DOCK9: variants seen among roughly 807,000 people sequenced by gnomAD.
The protein encoded by DOCK9 is dedicator of cytokinesis protein 9.
A neutral mutation model predicts 263.3 loss-of-function variants in DOCK9; 89 were observed. The ratio of observed to expected loss-of-function variants is 0.34; its 90% CI spans 0.28 to 0.40. DOCK9 has a LOEUF of 0.40. Among genes scored for constraint, DOCK9 ranks in the 10% least tolerant of loss-of-function variants. The pLI is 1.00. For synonymous variants in DOCK9, 976 were observed against 973.1 expected, an observed-to-expected ratio of 1.00 and a Z score of -0.06; for missense variants, 2,140 against 2,603.4, an observed-to-expected ratio of 0.82 and a Z score of 3.87.
chr13:98,961,224 CA>C (rs1310730754), intron 1 of DOCK9, among the ~76,000 whole-genome samples: 3 of 152,152 alleles, frequency 2.0e-5, no homozygotes, highest in African/African-American at 7.2e-5. Context: ...TTCAAGTGGG[CA>C]AAAGTTTGAA....
intron 2 of DOCK9, among the ~76,000 whole-genome samples, chr13:98,941,911 C>G (rs1402056110): frequency 6.6e-6 from 1 of 152,252 alleles, no homozygotes; most frequent in East Asian, 1.9e-4. Flanking sequence ...TGGTAGTTAT[C>G]TCTTTGGATT....
At chr13:98,836,538 T>C (rs1204950407) in intron 39 of DOCK9, among the ~76,000 whole-genome samples, 1 of 152,134 alleles carries the variant, frequency 6.6e-6, no homozygotes, top group East Asian at 1.9e-4. Flanking sequence ...CTGGCCCGGA[T>C]ACCACACTCT....
At chr13:98,993,853 CTAATA>C (rs2141739526) in intron 1 of DOCK9, among the ~76,000 whole-genome samples, 1 of 152,250 alleles carries the variant, frequency 6.6e-6, no homozygotes, top group East Asian at 1.9e-4. Flanking sequence ...TTAGAATTAT[CTAATA>C]TGTGAAATTT....
Position 98,881,984 on chromosome 13 carries a change from G to C in DOCK9, c.2583C>G (p.His861Gln). The change falls in exon 24 of 53, where the codon CAC becomes CAG. Residue 861 changes from histidine to glutamine, a missense_variant. Physicochemically the swap from His to Gln is conservative, Grantham distance 24 (BLOSUM62 0). This residue lies in a region of DOCK9 where 1,521 missense variants were observed against 1,741.7 expected (regional missense o/e 0.87). Transcript: ENST00000682017. The stretch of plus-strand genomic sequence containing the variant: ...TAGTGGGCAAGAAGGCGATCATCAC[G>C]TGGCCTTCCATCGCATGCAGACTCT... ...YLKSLHAMEG[H>Q]VMIAFLPTIL... 6.3e-7 allele frequency: 1 copy of C among 1,595,174 alleles called. No individual in the cohort carries two copies. The highest frequency in any genetic ancestry group is 2.3e-5 in the East Asian group (1 of 44,210).
At position 99,071,305 on chromosome 13, in the gene DOCK9, G is replaced by GTTTTTTTTTTTT. The variant is rs1566387440; in HGVS notation, c.129+14917_129+14918insAAAAAAAAAAAA. On this transcript the variant is annotated intron_variant, in intron 1 of 32. Coordinates refer to the DOCK9 transcript ENST00000427887. The stretch of plus-strand genomic sequence containing the variant: ...CTACAGGTGCTTGCCACCATGCCTG[G>GTTTTTTTTTTTT]CTTTTTTTTTTTTTTTTTTTTTTTT... Among the ~76,000 whole-genome samples the GTTTTTTTTTTTT allele has an allele frequency of 2.3e-4, 16 of 70,936 alleles. No individual in the cohort carries two copies. In the East Asian group the frequency reaches 8.0e-3, roughly 36 times the overall value. 46.5% of individuals were successfully genotyped at this position (70,936 alleles called of 152,430 possible).
intron 45 of DOCK9, among the ~76,000 whole-genome samples, chr13:98,817,178 G>T (rs1167766840): frequency 1.3e-5 from 2 of 152,114 alleles, no homozygotes; most frequent in Non-Finnish European, 2.9e-5. Context: ...ATGCCAAACA[G>T]AATTTATGGG....
intron 32 of DOCK9, among the ~76,000 whole-genome samples, chr13:98,860,744 G>C (rs1418861336): frequency 2.7e-5 from 4 of 150,860 alleles, no homozygotes; most frequent in African/African-American, 4.9e-5. Flanking sequence ...TGGGGGTGGG[G>C]GAGAGAAATC....
chr13:98,890,342 C>CAACT (rs1361446410), intron 15 of DOCK9, among the ~76,000 whole-genome samples: 1 of 152,170 alleles, frequency 6.6e-6, no homozygotes, highest in Admixed American at 6.5e-5. Flanking sequence ...AGCAGTTGAA[C>CAACT]AACTGCCCAC....
In DOCK9 at chr13:98,986,685, C is replaced by A. The variant is rs1836998939; in HGVS notation, c.130-31134G>T. On this transcript the variant is annotated intron_variant, in intron 1 of 32. Transcript: ENST00000427887. Reference sequence around the variant, plus strand: ...GAGGGCCTTCTATTTCCTCCAAGCTCATTGTAACTGATTTCCTATGTGAAC... The same window carrying A: ...GAGGGCCTTCTATTTCCTCCAAGCTAATTGTAACTGATTTCCTATGTGAAC... 2.0e-5 allele frequency among the ~76,000 whole-genome samples: 3 copies of A among 152,162 alleles called. No homozygotes were observed. In the South Asian group the frequency reaches 6.2e-4, roughly 32 times the overall value.
At chr13:98,836,236 A>T (rs9300517) in intron 39 of DOCK9, among the ~76,000 whole-genome samples, 3 of 151,860 alleles carry the variant, frequency 2.0e-5, no homozygotes, top group Non-Finnish European at 4.4e-5. Flanking sequence ...GGGGCACAGG[A>T]GGAGAGGGGA....
At position 98,800,603 on chromosome 13, in the gene DOCK9, C is replaced by T. The variant is rs1291760294; in HGVS notation, c.5726-125G>A. 3.6e-6 allele frequency: 4 copies of T among 1,102,962 alleles called. No homozygotes were observed. The African/African-American group carries it at 4.7e-5, about 13-fold the overall frequency. 68.3% of individuals were successfully genotyped at this position (1,102,962 alleles called of 1,614,324 possible). On this transcript the variant is annotated intron_variant, in intron 49 of 52. Transcript: ENST00000682017. Reference sequence around the variant, plus strand: ...ACTTACATTTTTAAAATAAGGAACCCAAAGCTTGCCAAAGACACATACTAG... The same window carrying T: ...ACTTACATTTTTAAAATAAGGAACCTAAAGCTTGCCAAAGACACATACTAG...
intron 2 of DOCK9, among the ~76,000 whole-genome samples, chr13:98,933,959 G>A (rs1263033879): frequency 6.6e-6 from 1 of 152,022 alleles, no homozygotes. Context: ...GTGCAGTGGG[G>A]CAATCACAGC....
At chr13:99,086,148 A>G in intron 1 of DOCK9, 6 of 1,394,782 alleles carry the variant, frequency 4.3e-6, no homozygotes, top group Non-Finnish European at 5.6e-6. Flanking sequence ...GCCGACTAAG[A>G]GGCGCCCGGC....
rs78025489 is a variant in DOCK9, at chr13:99,008,757, T to G, written c.130-53206A>C. ...TGAAGGCTATCTTGGCTTCTTCCAG[T>G]GTCCTCACTTGAGTTGGCGGGGTCC... On this transcript the variant is annotated intron_variant, in intron 1 of 32. Coordinates refer to the DOCK9 transcript ENST00000427887. Among the ~76,000 whole-genome samples, 57 of 152,324 alleles carry G rather than the reference T, an allele frequency of 3.7e-4. No homozygotes were observed. In the East Asian group the frequency reaches 9.5e-3, roughly 25 times the overall value.
At chr13:99,060,905 C>T (rs931165431) in intron 1 of DOCK9, among the ~76,000 whole-genome samples, 2 of 152,192 alleles carry the variant, frequency 1.3e-5, no homozygotes, top group East Asian at 3.8e-4. Context: ...TAACAATACT[C>T]AGTGAATGCA....
chr13:98,971,169 G>A (rs952131728), intron 1 of DOCK9, among the ~76,000 whole-genome samples: 5 of 152,188 alleles, frequency 3.3e-5, no homozygotes, highest in African/African-American at 1.2e-4. Flanking sequence ...GGAGGGTGGT[G>A]ATCTGCAGAG....
At chr13:99,082,909 C>T (rs184024268) in intron 1 of DOCK9, among the ~76,000 whole-genome samples, 7 of 152,264 alleles carry the variant, frequency 4.6e-5, no homozygotes, top group Admixed American at 1.3e-4. Flanking sequence ...AACTACTAAA[C>T]CTCTAAGATT....
chr13:98,842,075 T>C (rs1452619697), intron 38 of DOCK9, among the ~76,000 whole-genome samples: 1 of 152,218 alleles, frequency 6.6e-6, no homozygotes, highest in East Asian at 1.9e-4. Context: ...ACATTCTCTG[T>C]ATTTTTCATA....
chr13:99,014,227 G>A (rs1403699492), intron 1 of DOCK9, among the ~76,000 whole-genome samples: 2 of 152,222 alleles, frequency 1.3e-5, no homozygotes, highest in Non-Finnish European at 2.9e-5. Context: ...GCCCAAGCAG[G>A]TCCCGGGCTG....
Sources: allele counts gnomAD v4.1 joint callset (sites outside exome capture counted in the v4.1 genomes callset), GRCh38; gene constraint gnomAD v4.1.1; regional missense constraint gnomAD v4.1.1; transcripts MANE v1.5; gene names NCBI Gene and HGNC (gene_info 2026-07-23, HGNC 2026-07-21).